Variants in FGF12 observed in about 807,000 individuals in gnomAD.
The protein encoded by FGF12 is fibroblast growth factor 12, also known as fibroblast growth factor 12B.
A neutral mutation model predicts 23.6 loss-of-function variants in FGF12; 14 were observed. That is an observed-to-expected ratio of 0.59 (90% confidence interval 0.39 to 0.93). The LOEUF is 0.93. Ranked by LOEUF, FGF12 falls within the 40% of genes least tolerant of loss-of-function variation. FGF12 has a pLI of 0.00. For missense variants in FGF12, 175 were observed against 217.8 expected (o/e 0.80, Z 1.24); for synonymous variants, 62 against 77.3 (o/e 0.80, Z 1.04).
intron 2 of FGF12, among the ~76,000 whole-genome samples, chr3:192,416,399 T>A (rs1667815671): frequency 6.6e-6 from 1 of 152,174 alleles, no homozygotes. Context: ...CTGCCTGAGT[T>A]GAAGTTTATT....
chr3:192,415,798 G>C (rs574052500), intron 2 of FGF12, among the ~76,000 whole-genome samples: 14 of 137,294 alleles, frequency 1.0e-4, no homozygotes, highest in African/African-American at 3.5e-4. Flanking sequence ...AGAAGAAAAG[G>C]AATATAATAA....
chr3:192,408,923 C>T lies in FGF12; in HGVS notation c.14-48385G>A, dbSNP rs1670608997. 2 of 985,224 alleles carry T rather than the reference C, an allele frequency of 2.0e-6. No individual in the cohort carries two copies. The highest frequency in any genetic ancestry group is 2.4e-6 in the Non-Finnish European group (2 of 829,940). The allele number at this position is 985,224 out of a possible 1,614,324, so 61.0% of individuals were successfully genotyped here. ...GCGCCGGCTGCGGCTTTCCAGGGGC[C>T]GGCCACCCGAGTTCTGGAATTCCGA... On this transcript the variant is annotated intron_variant, in intron 2 of 5. Coordinates refer to ENST00000445105, the MANE Select transcript of FGF12 (RefSeq NM_004113.6). This position sits in a 1 kb window ranked among gnomAD's most constrained non-coding sequence, Gnocchi z 7.3.
intron 4 of FGF12, among the ~76,000 whole-genome samples, chr3:192,333,813 T>C (rs935020542): frequency 2.0e-5 from 3 of 151,806 alleles, no homozygotes; most frequent in Non-Finnish European, 4.4e-5. Flanking sequence ...TAATGTGCAC[T>C]GGGGAGAATT....
At chr3:192,304,012 G>A (rs1186619616) in intron 4 of FGF12, among the ~76,000 whole-genome samples, 1 of 152,202 alleles carries the variant, frequency 6.6e-6, no homozygotes, top group East Asian at 1.9e-4. Flanking sequence ...GCCCAAGGAA[G>A]ATAATGCTAG....
intron 4 of FGF12, among the ~76,000 whole-genome samples, chr3:192,211,486 C>T (rs137976168): frequency 0.13 from 19,648 of 152,020 alleles, 1,413 homozygotes; most frequent in African/African-American, 0.2. Flanking sequence ...AGTGCAGCGG[C>T]GCAATCTCGG....
intron 2 of FGF12, among the ~76,000 whole-genome samples, chr3:192,622,695 T>A (rs1715016798): frequency 6.6e-6 from 1 of 152,178 alleles, no homozygotes; most frequent in Non-Finnish European, 1.5e-5. Flanking sequence ...AAAGCACAGA[T>A]GCATTTCATA....
Position 192,508,436 on chromosome 3 carries a change from C to T in FGF12, c.14-147898G>A, listed in dbSNP as rs546350775. Among the ~76,000 whole-genome samples, 35 of 152,286 alleles carry T rather than the reference C, an allele frequency of 2.3e-4. 1 individual carries two copies. In the South Asian group the frequency reaches 7.3e-3, roughly 32 times the overall value. On this transcript the variant is annotated intron_variant, in intron 2 of 5. Coordinates refer to ENST00000445105, the MANE Select transcript of FGF12 (RefSeq NM_004113.6). ...ACAATAATTCCATTGTTTTAAGATACTCCATAGAAACTGAGATAACAGATC... is the reference window on the plus strand; with the variant it reads ...ACAATAATTCCATTGTTTTAAGATATTCCATAGAAACTGAGATAACAGATC...
At chr3:192,439,430 C>A (rs1245437925) in intron 2 of FGF12, among the ~76,000 whole-genome samples, 4 of 152,154 alleles carry the variant, frequency 2.6e-5, no homozygotes, top group Non-Finnish European at 5.9e-5. Flanking sequence ...CTTTTAAAGC[C>A]ACACCTTAAT....
intron 2 of FGF12, among the ~76,000 whole-genome samples, chr3:192,473,944 A>G (rs778298170): frequency 2.0e-5 from 3 of 152,204 alleles, no homozygotes; most frequent in Non-Finnish European, 4.4e-5. Flanking sequence ...CATAGAGCAG[A>G]ACTACACTCA....
intron 2 of FGF12, among the ~76,000 whole-genome samples, chr3:192,647,714 T>G (rs992280116): frequency 7.3e-6 from 1 of 136,544 alleles, no homozygotes. Context: ...TATATATACA[T>G]ATATATATAC....
At chr3:192,165,038 G>A (rs1035943771) in intron 5 of FGF12, among the ~76,000 whole-genome samples, 8 of 152,024 alleles carry the variant, frequency 5.3e-5, no homozygotes, top group South Asian at 2.1e-4. Context: ...GGCAAACTCC[G>A]ACTCCCTGGG....
In FGF12 at chr3:192,593,054, G is replaced by T. The variant is rs1313836487; in HGVS notation, c.13+134127C>A. Reference sequence around the variant, plus strand: ...TCTAGAACCTATATTCAGAACAGCAGCCATGTGATCCCTTTAAAATGCAAG... The same window carrying T: ...TCTAGAACCTATATTCAGAACAGCATCCATGTGATCCCTTTAAAATGCAAG... On this transcript the variant is annotated intron_variant, in intron 2 of 5. Transcript: ENST00000445105. Among the ~76,000 whole-genome samples the T allele has an allele frequency of 3.3e-5, 5 of 151,858 alleles. 2 individuals are homozygous for T. Among genetic ancestry groups the T allele is most frequent in the Non-Finnish European group, 7.4e-5 (5 of 67,918 alleles).
intron 2 of FGF12, among the ~76,000 whole-genome samples, chr3:192,587,946 C>G (rs1029736234): frequency 1.3e-5 from 2 of 151,870 alleles, no homozygotes; most frequent in East Asian, 3.9e-4. Flanking sequence ...TTATTTTTGC[C>G]TTCACTTTTG....
At chr3:192,668,127 T>C (rs113457875) in intron 2 of FGF12, among the ~76,000 whole-genome samples, 7 of 151,438 alleles carry the variant, frequency 4.6e-5, no homozygotes, top group African/African-American at 1.2e-4. Flanking sequence ...TGGGTAGAAA[T>C]GGCAGATTAA....
intron 4 of FGF12, among the ~76,000 whole-genome samples, chr3:192,330,958 T>C (rs899132873): frequency 1.3e-5 from 2 of 152,094 alleles, no homozygotes; most frequent in Admixed American, 1.3e-4. Flanking sequence ...ATCATATATC[T>C]GATAAGGGCT....
At chr3:192,350,437 G>C (rs1327993768) in intron 3 of FGF12, among the ~76,000 whole-genome samples, 2 of 152,112 alleles carry the variant, frequency 1.3e-5, no homozygotes, top group African/African-American at 2.4e-5. Context: ...TAGTGGTAAG[G>C]GTTCTAAAGA....
chr3:192,488,792 C>T (rs149161140), intron 2 of FGF12, among the ~76,000 whole-genome samples: 164 of 152,108 alleles, frequency 1.1e-3, no homozygotes, highest in African/African-American at 3.6e-3. Flanking sequence ...CTTCATATGA[C>T]CATCTTTCTC....
At chr3:192,368,622 A>G (rs1415142011) in intron 2 of FGF12, among the ~76,000 whole-genome samples, 3 of 152,198 alleles carry the variant, frequency 2.0e-5, no homozygotes, top group African/African-American at 7.2e-5. Context: ...CTATGCCAAG[A>G]GTCCACAAAC....
intron 2 of FGF12, among the ~76,000 whole-genome samples, chr3:192,724,353 C>T (rs1045555600): frequency 2.0e-5 from 3 of 152,088 alleles, no homozygotes; most frequent in Admixed American, 2.0e-4. Context: ...ATAGGGACCT[C>T]TAAAGGAAAC....
Sources: gnomAD v4.1 joint callset for allele counts (sites outside exome capture counted in the v4.1 genomes callset) on GRCh38, gnomAD v4.1.1 for gene constraint, Gnocchi (gnomAD v3.1) non-coding constraint, MANE v1.5 for transcripts, NCBI Gene and HGNC (gene_info 2026-07-23, HGNC 2026-07-21) for gene names.